MX2: variants seen among roughly 807,000 people sequenced by gnomAD.
MX2 encodes the protein MX dynamin like GTPase 2, also known as interferon-induced GTP-binding protein Mx2.
In MX2, 51 loss-of-function variants were observed where a neutral mutation model predicts 74.0. The ratio of observed to expected loss-of-function variants is 0.69; its 90% CI spans 0.55 to 0.87. The LOEUF (loss-of-function observed/expected upper bound fraction) is 0.87. Among genes scored for constraint, MX2 ranks in the 40% least tolerant of loss-of-function variants. The probability of loss-of-function intolerance (pLI) is 0.00; values close to 1 mark genes in which losing one functional copy is unlikely to be tolerated. For synonymous variants in MX2, 369 were observed against 339.3 expected, an observed-to-expected ratio of 1.09 and a Z score of -0.96; for missense variants, 832 against 908.7, an observed-to-expected ratio of 0.92 and a Z score of 1.09.
At chr21:41,373,384 C>G (rs542936858) in intron 1 of MX2, among the ~76,000 whole-genome samples, 1 of 152,150 alleles carries the variant, frequency 6.6e-6, no homozygotes, top group East Asian at 1.9e-4. Context: ...TGAGCCACAC[C>G]CTCTCTGTGC....
At chr21:41,392,251 G>A (rs61364247) in intron 6 of MX2, among the ~76,000 whole-genome samples, 13,833 of 152,272 alleles carry the variant, frequency 0.091, 1,408 homozygotes, top group African/African-American at 0.24. Flanking sequence ...ATAGCCCAAA[G>A]GTGGGAGCAG....
intron 7 of MX2, among the ~76,000 whole-genome samples, chr21:41,396,439 C>G (rs535273503): frequency 6.6e-6 from 1 of 151,816 alleles, no homozygotes; most frequent in East Asian, 1.9e-4. Flanking sequence ...CCTGAATGAT[C>G]CAGGAGCACA....
intron 1 of MX2, among the ~76,000 whole-genome samples, chr21:41,376,112 G>A (rs568594131): frequency 6.6e-6 from 1 of 152,326 alleles, no homozygotes; most frequent in East Asian, 1.9e-4. Flanking sequence ...CCAAGCCCGG[G>A]TGTGAGGCCA....
intron 1 of MX2, among the ~76,000 whole-genome samples, chr21:41,371,859 T>C (rs1222477592): frequency 6.6e-6 from 1 of 152,194 alleles, no homozygotes; most frequent in Non-Finnish European, 1.5e-5. Flanking sequence ...AGCCACATCT[T>C]CTGCTTACAG....
intron 10 of MX2, among the ~76,000 whole-genome samples, chr21:41,400,502 A>G (rs1457537496): frequency 1.3e-5 from 2 of 152,106 alleles, no homozygotes; most frequent in African/African-American, 2.4e-5. Flanking sequence ...GTGTGTGTGT[A>G]TGTGTGTGTC....
At chr21:41,386,648 G>A (rs1392662215) in intron 5 of MX2, among the ~76,000 whole-genome samples, 1 of 152,208 alleles carries the variant, frequency 6.6e-6, no homozygotes, top group Admixed American at 6.5e-5. Flanking sequence ...TGGAGCCCCA[G>A]GGTCCTGCCC....
At chr21:41,392,242 T>A (rs894594859) in intron 6 of MX2, among the ~76,000 whole-genome samples, 4 of 152,198 alleles carry the variant, frequency 2.6e-5, no homozygotes, top group Non-Finnish European at 4.4e-5. Flanking sequence ...TTATCCACAA[T>A]AGCCCAAAGG....
intron 5 of MX2, chr21:41,390,011 A>T (rs1406963943): frequency 6.5e-6 from 1 of 152,782 alleles, no homozygotes; most frequent in Non-Finnish European, 1.5e-5. Flanking sequence ...AATCGCAGGT[A>T]AAAAGTCACT....
At chr21:41,389,069 A>G (rs1490655287) in intron 5 of MX2, among the ~76,000 whole-genome samples, 1 of 152,148 alleles carries the variant, frequency 6.6e-6, no homozygotes, top group African/African-American at 2.4e-5. Flanking sequence ...GGACAGCCCC[A>G]TGGGTGTAGC....
intron 5 of MX2, among the ~76,000 whole-genome samples, chr21:41,385,997 A>AAAAAAT (rs1359122231): frequency 1.4e-4 from 22 of 152,172 alleles, no homozygotes; most frequent in African/African-American, 5.1e-4. Context: ...GATTTGTTAA[A>AAAAAAT]AAAAATACAA....
chr21:41,381,452 G>A lies in MX2; in HGVS notation c.578-958G>A, dbSNP rs1447827540. Among the ~76,000 whole-genome samples the A allele has an allele frequency of 2.0e-5, 3 of 152,206 alleles. 1 individual carries two copies. Among genetic ancestry groups the A allele is most frequent in the African/African-American group, 7.2e-5 (3 of 41,546 alleles). ...TGTAATCCCAGCACTTTGGGAGGCC[G>A]AGGCAGGCGGATCACGAGGTTAGGA... On this transcript the variant is annotated intron_variant, in intron 4 of 13. Coordinates refer to ENST00000330714, the MANE Select transcript of MX2 (RefSeq NM_002463.2).
In MX2 at chr21:41,380,031, T is replaced by G; in HGVS notation, c.457T>G (p.Cys153Gly). ...CTCTCGCTCAGGAATCGTAACCAGG[T>G]GTCCGCTGGTGCTGAAACTGAAAAA... ...LPRGSGIVTR[C>G]PLVLKLKKQP... is the part of the protein sequence containing the mutation. The change falls in exon 4 of 14, where the codon TGT (cysteine) becomes GGT (glycine). Residue 153 changes from cysteine (C) to glycine (G), a missense_variant. Coordinates refer to ENST00000330714, the MANE Select transcript of MX2 (RefSeq NM_002463.2). The surrounding 1 kb of genome is among the most constrained non-coding windows in gnomAD (Gnocchi z 4.3). 1 of 1,614,000 alleles carries G rather than the reference T, an allele frequency of 6.2e-7. No individual in the cohort carries two copies. The highest frequency in any genetic ancestry group is 8.5e-7 in the Non-Finnish European group (1 of 1,179,906).
Position 41,408,573 on chromosome 21 carries a change from G to T in MX2, c.*340G>T, listed in dbSNP as rs368753587. ...GATTATGAGACCCCAGAGGGGGAAG[G>T]TCTGGGTCAAATTCTTCTTTTGTAT... On this transcript the variant is annotated 3_prime_UTR_variant, in exon 14 of 14. Coordinates refer to ENST00000330714, the MANE Select transcript of MX2 (RefSeq NM_002463.2). 24 of 255,924 alleles carry T rather than the reference G, an allele frequency of 9.4e-5. No homozygotes were observed. Among genetic ancestry groups the T allele is most frequent in the East Asian group, 5.5e-4 (6 of 10,928 alleles). The allele number at this position is 255,924 out of a possible 1,614,324, so 15.9% of individuals were successfully genotyped here.
At chr21:41,375,142 C>T (rs1814439368) in intron 1 of MX2, among the ~76,000 whole-genome samples, 1 of 152,232 alleles carries the variant, frequency 6.6e-6, no homozygotes, top group African/African-American at 2.4e-5. Context: ...CCAGTGGGCA[C>T]CCAAGTTACC....
Position 41,366,172 on chromosome 21 carries a change from G to A in MX2, c.-72+4117G>A, listed in dbSNP as rs982705969. The stretch of plus-strand genomic sequence containing the variant: ...GTAGGCTGGGTGGTGTCCAACAGCT[G>A]CCTTCGTGTATCACTGGGAAATCTT... On this transcript the variant is annotated intron_variant, in intron 1 of 13. Transcript: ENST00000330714. This position sits in a 1 kb window ranked among gnomAD's most constrained non-coding sequence, Gnocchi z 4.5. 5 of 152,244 alleles carry A rather than the reference G, an allele frequency of 3.3e-5. No homozygotes were observed. The highest frequency in any genetic ancestry group is 7.2e-5 in the African/African-American group (3 of 41,452). 9.4% of individuals were successfully genotyped at this position (152,244 alleles called of 1,614,324 possible). A position where few individuals can be genotyped will look rare whatever the true frequency, so the allele number is the denominator to read the frequency against.
At position 41,401,972 on chromosome 21, in the gene MX2, A is replaced by G. The variant is rs931013282; in HGVS notation, c.1417A>G (p.Lys473Glu). ...TGGAGGTCTGTTTGATGTTGCAGTT[A>G]AAAATATTATCCACGAAGAAGTTGA... ...GILATNTQKVKNIIHEEVEKY... is the reference protein window; with the variant it reads ...GILATNTQKVENIIHEEVEKY... The change falls in exon 11 of 14, where the codon AAA (lysine) becomes GAA (glutamate). Residue 473 changes from lysine (K) to glutamate (E), a missense_variant and splice_region_variant. Lys to Glu is a moderately conservative substitution (Grantham distance 56, BLOSUM62 1). Transcript: ENST00000330714. The G allele has an allele frequency of 6.2e-7, 1 of 1,612,538 alleles. No homozygotes were observed. The highest frequency in any genetic ancestry group is 1.3e-5 in the African/African-American group (1 of 74,830).
In MX2 at chr21:41,399,261, T is replaced by C. The variant is rs773677050; in HGVS notation, c.1338T>C (p.Asn446=). The C allele has an allele frequency of 6.2e-7, 1 of 1,613,906 alleles. No individual in the cohort carries two copies. Among genetic ancestry groups the C allele is most frequent in the Non-Finnish European group, 8.5e-7 (1 of 1,179,798 alleles). ...LVEGEEVVRE[N]ETRLYNKIRE... is the part of the protein sequence containing the mutation. ...AAGGAGAAGAAGTTGTAAGGGAGAA[T>C]GAGACCCGTTTATACAACAAAATCA... Residue 446 remains asparagine (N), a synonymous_variant, in exon 10 of 14, where the codon AAT becomes AAC. Transcript: ENST00000330714.
intron 6 of MX2, among the ~76,000 whole-genome samples, chr21:41,392,252 G>A (rs1023500676): frequency 2.6e-5 from 4 of 152,240 alleles, no homozygotes; most frequent in African/African-American, 9.6e-5. Flanking sequence ...TAGCCCAAAG[G>A]TGGGAGCAGC....
rs535917709 is a variant in MX2 at position 41,368,978 on chromosome 21, C to G, written c.-72+6923C>G. Among the ~76,000 whole-genome samples, 4 of 152,200 alleles carry G rather than the reference C, an allele frequency of 2.6e-5. No homozygotes were observed. The highest frequency in any genetic ancestry group is 4.8e-5 in the African/African-American group (2 of 41,454). On this transcript the variant is annotated intron_variant, in intron 1 of 13. Transcript: ENST00000330714. This position sits in a 1 kb window ranked among gnomAD's most constrained non-coding sequence, Gnocchi z 4.6. The stretch of plus-strand genomic sequence containing the variant: ...GGGTGCCACCAGGCCCACCGAGCTG[C>G]TGGGTCCTGGCCAAGCCCTCCTGTA...
Sources: allele counts gnomAD v4.1 joint callset (sites outside exome capture counted in the v4.1 genomes callset), GRCh38; gene constraint gnomAD v4.1.1; non-coding constraint Gnocchi (gnomAD v3.1); transcripts MANE v1.5; gene names NCBI Gene and HGNC (gene_info 2026-07-23, HGNC 2026-07-21).